Variants in ZNF711 observed in about 807,000 individuals in gnomAD.
The protein encoded by ZNF711 is zinc finger protein 711.
A neutral mutation model predicts 43.5 loss-of-function variants in ZNF711; 3 were observed. That is an observed-to-expected ratio of 0.07 (90% confidence interval 0.03 to 0.18). ZNF711 has a LOEUF of 0.18. Ranked by LOEUF, ZNF711 falls within the 10% of genes least tolerant of loss-of-function variation. ZNF711 has a pLI of 1.00. For synonymous variants in ZNF711, 209 were observed against 207.7 expected, an observed-to-expected ratio of 1.01 and a Z score of -0.06; for missense variants, 412 against 604.0, an observed-to-expected ratio of 0.68 and a Z score of 3.33.
chrX:85,271,169 G>T lies in ZNF711; in HGVS notation c.1765G>T (p.Ala589Ser), dbSNP rs766046560. 2 of 1,210,215 alleles carry T rather than the reference G, an allele frequency of 1.7e-6. No individual in the cohort carries two copies. Among genetic ancestry groups the T allele is most frequent in the Admixed American group, 2.2e-5 (1 of 45,817 alleles). ...GTGTCAGTATTGTATTTTCAGGTGTGCAGATCAATCAAATCTGAAAACTCA... is the reference window on the plus strand; with the variant it reads ...GTGTCAGTATTGTATTTTCAGGTGTTCAGATCAATCAAATCTGAAAACTCA... The part of the protein sequence containing the change: ...YQCQYCIFRC[A>S]DQSNLKTHIK... Residue 589 changes from alanine to serine, a missense_variant, in exon 11 of 11, where the codon GCA becomes TCA. Around this residue, in one of 4 missense-constraint regions of ZNF711, gnomAD observed 375 missense variants for 514.2 expected, o/e 0.73. Coordinates refer to ENST00000674551, the MANE Select transcript of ZNF711 (RefSeq NM_001330574.2).
At chrX:85,259,439 G>A (rs1037626527) in intron 5 of ZNF711, among the ~76,000 whole-genome samples, 5 of 111,113 alleles carry the variant, frequency 4.5e-5, no homozygotes, top group African/African-American at 9.8e-5. Context: ...TGAAAATGAC[G>A]TTAGTAGTTT....
At chrX:85,268,463 A>G in intron 9 of ZNF711, 122 bp downstream of exon 9, 2 of 780,628 alleles carry the variant, frequency 2.6e-6, no homozygotes, top group Non-Finnish European at 3.7e-6. Context: ...GCTTAGTCAT[A>G]CCTAATCTAG....
intron 2 of ZNF711, 145 bp downstream of exon 2, chrX:85,246,167 C>T (rs1929032785): frequency 9.0e-6 from 1 of 111,117 alleles, no homozygotes; most frequent in African/African-American, 3.3e-5. Context: ...AAATAGTACA[C>T]TGTTTTAAAT....
At chrX:85,245,248 C>T (rs1928930739) in intron 1 of ZNF711, among the ~76,000 whole-genome samples, 1 of 112,140 alleles carries the variant, frequency 8.9e-6, no homozygotes, top group Non-Finnish European at 1.9e-5. Flanking sequence ...TTAGAAGAGA[C>T]AGATTTTCTT....
rs201326717 is a variant in ZNF711 at position 85,247,667 on chromosome X, T to C, written c.79+16T>C. On this transcript the variant is annotated intron_variant, in intron 4 of 10. Coordinates refer to ENST00000674551, the MANE Select transcript of ZNF711 (RefSeq NM_001330574.2). ...CAAGATTTTGGTAAAGCATTTTCTT[T>C]GTTGTATTTTTTTCTTTTTTAGAAG... 8.4e-7 allele frequency: 1 copy of C among 1,187,027 alleles called. No homozygotes were observed. Among genetic ancestry groups the C allele is most frequent in the East Asian group, 3.0e-5 (1 of 33,676 alleles).
intron 6 of ZNF711, 111 bp downstream of exon 6, chrX:85,264,541 C>A (rs1486917360): frequency 1.5e-6 from 1 of 686,558 alleles, no homozygotes; most frequent in Non-Finnish European, 2.1e-6. Context: ...AATACGTTTT[C>A]TTTGGGAATA....
At chrX:85,268,443 A>G in intron 9 of ZNF711, 102 bp downstream of exon 9, 1 of 964,657 alleles carries the variant, frequency 1.0e-6, no homozygotes, top group Non-Finnish European at 1.4e-6. Context: ...CATTTGTTGG[A>G]CTCTTACTTG....
At chrX:85,262,425 C>A (rs1930736955) in intron 5 of ZNF711, among the ~76,000 whole-genome samples, 1 of 109,852 alleles carries the variant, frequency 9.1e-6, no homozygotes, top group Non-Finnish European at 1.9e-5. Flanking sequence ...GTTATTTCAG[C>A]CTAAAAGTTT....
At chrX:85,267,257 G>A in intron 7 of ZNF711, 21 bp from the exon 8 acceptor site, 1 of 1,093,174 alleles carries the variant, frequency 9.1e-7, no homozygotes, top group Non-Finnish European at 1.2e-6. Context: ...TTATAAACAA[G>A]CAATTATTTC....
At chrX:85,250,732 G>A (rs1179197545) in intron 4 of ZNF711, among the ~76,000 whole-genome samples, 1 of 111,529 alleles carries the variant, frequency 9.0e-6, no homozygotes. Flanking sequence ...TATGGGTAAT[G>A]CTCACTCATT....
In ZNF711 at chrX:85,254,408, TC is replaced by T. The variant is rs1929865228; in HGVS notation, c.80-849del. Among the ~76,000 whole-genome samples, 2 of 82,319 alleles carry T rather than the reference TC, an allele frequency of 2.4e-5. 1 individual carries two copies. Among genetic ancestry groups the T allele is most frequent in the Non-Finnish European group, 4.4e-5 (2 of 45,161 alleles). The allele number at this position is 82,319 out of a possible 115,157, so 71.5% of individuals were successfully genotyped here. A position where few individuals can be genotyped will look rare whatever the true frequency, so the allele number is the denominator to read the frequency against. On this transcript the variant is annotated intron_variant, in intron 4 of 10. Transcript: ENST00000674551. ...TCATGAGGTCAGGAGATCGAGACCA[TC>T]CTGGCTAACAAGGTGAAACCCCGTC...
chrX:85,258,782 G>T (rs754993819), intron 5 of ZNF711, among the ~76,000 whole-genome samples: 2 of 109,936 alleles, frequency 1.8e-5, no homozygotes, highest in South Asian at 7.7e-4. Flanking sequence ...GCTGATTTAA[G>T]TTCTTTGTAG....
At chrX:85,265,625 G>C (rs1321155438) in intron 7 of ZNF711, among the ~76,000 whole-genome samples, 2 of 110,107 alleles carry the variant, frequency 1.8e-5, no homozygotes, top group Non-Finnish European at 3.8e-5. Context: ...TCATATCTGA[G>C]GTAGGTGGTA....
At position 85,270,050 on chromosome X, in the gene ZNF711, C is replaced by A; in HGVS notation, c.1150C>A (p.Gln384Lys). 6.6e-6 allele frequency: 8 copies of A among 1,209,961 alleles called. No individual in the cohort carries two copies. Among genetic ancestry groups the A allele is most frequent in the Non-Finnish European group, 8.9e-6 (8 of 894,465 alleles). The stretch of plus-strand genomic sequence containing the variant: ...AGAAAGCAGAAGTAGTACAGCAGCA[C>A]AGTACCTTCAAATTTGTGACGGCAT... ...ALESRSSTAA[Q>K]YLQICDGINT... Residue 384 changes from glutamine to lysine, a missense_variant, in exon 10 of 11, where the codon CAG becomes AAG. By Grantham distance (53) the Gln-to-Lys change is moderately conservative. Transcript: ENST00000674551.
intron 4 of ZNF711, among the ~76,000 whole-genome samples, chrX:85,253,665 A>G (rs1359928749): frequency 3.6e-5 from 4 of 110,074 alleles, no homozygotes; most frequent in Non-Finnish European, 7.6e-5. Flanking sequence ...TATATATTCT[A>G]TGCAGTTTTA....
At chrX:85,269,645 A>G (rs746310609) in intron 9 of ZNF711, among the ~76,000 whole-genome samples, 11 of 111,382 alleles carry the variant, frequency 9.9e-5, no homozygotes, top group Non-Finnish European at 1.9e-4. Context: ...AAGTGCTGGG[A>G]TTACAGGTGT....
intron 7 of ZNF711, 50 bp from the exon 8 acceptor site, chrX:85,267,228 A>T: frequency 1.0e-6 from 1 of 961,412 alleles, no homozygotes; most frequent in East Asian, 3.9e-5. Flanking sequence ...ATTTTTACCC[A>T]CTTATTAAAT....
At chrX:85,254,233 C>G (rs1335100181) in intron 4 of ZNF711, among the ~76,000 whole-genome samples, 1 of 110,338 alleles carries the variant, frequency 9.1e-6, no homozygotes, top group Non-Finnish European at 1.9e-5. Context: ...AAGAAATCGC[C>G]AAACTACGGG....
At chrX:85,245,089 A>C (rs2147779433) in intron 1 of ZNF711, among the ~76,000 whole-genome samples, 1 of 111,910 alleles carries the variant, frequency 8.9e-6, no homozygotes, top group East Asian at 2.8e-4. Flanking sequence ...CTGCGTCCAA[A>C]GCTGCAATAC....
Sources: gnomAD v4.1 joint callset for allele counts (sites outside exome capture counted in the v4.1 genomes callset) on GRCh38, gnomAD v4.1.1 for gene constraint, gnomAD v4.1.1 regional missense constraint, MANE v1.5 for transcripts, NCBI Gene and HGNC (gene_info 2026-07-23, HGNC 2026-07-21) for gene names.